The following NRG1 variants were observed in gnomAD, a reference collection of about 807,000 sequenced individuals.
The protein encoded by NRG1 is pro-neuregulin-1, membrane-bound isoform.
NRG1 carries 18 observed loss-of-function variants against 63.8 expected under a neutral mutation model. That is an observed-to-expected ratio of 0.28 (90% CI 0.19 to 0.42). The LOEUF is 0.42. NRG1 is among the 10% of genes least tolerant of loss of function. The pLI, the probability that NRG1 is intolerant of heterozygous loss-of-function variation, is 1.00. For synonymous variants in NRG1, 302 were observed against 301.3 expected, an observed-to-expected ratio of 1.00 and a Z score of -0.02; for missense variants, 762 against 814.7, an observed-to-expected ratio of 0.94 and a Z score of 0.79.
chr8:32,259,297 G>C (rs540005303), intron 1 of NRG1, among the ~76,000 whole-genome samples: 2 of 152,320 alleles, frequency 1.3e-5, no homozygotes, highest in South Asian at 4.1e-4. Context: ...GGCCATGAGG[G>C]CTCTGCCTTC....
At chr8:32,107,976 A>C (rs940607830) in intron 1 of NRG1, among the ~76,000 whole-genome samples, 5 of 152,198 alleles carry the variant, frequency 3.3e-5, no homozygotes, top group African/African-American at 1.2e-4. Flanking sequence ...AAAGCTTCTG[A>C]TAGAGATTGA....
intron 1 of NRG1, among the ~76,000 whole-genome samples, chr8:31,956,457 A>G (rs1804431312): frequency 6.6e-6 from 1 of 151,260 alleles, no homozygotes; most frequent in South Asian, 2.1e-4. Flanking sequence ...CTCTACTAAA[A>G]AAATACAAAA....
rs563829895 is a variant in NRG1, at chr8:31,858,435, T to A, written c.37+219004T>A. Reference sequence around the variant, plus strand: ...CATGAGCTGAGAGAAAATTAAAAAATCATTATTTTGAAGGGTGGTTTTCTC... The same window carrying A: ...CATGAGCTGAGAGAAAATTAAAAAAACATTATTTTGAAGGGTGGTTTTCTC... On this transcript the variant is annotated intron_variant, in intron 1 of 10. Coordinates refer to the NRG1 transcript ENST00000519301. Among the ~76,000 whole-genome samples, 4 of 152,116 alleles carry A rather than the reference T, an allele frequency of 2.6e-5. No individual in the cohort carries two copies. In the South Asian group the frequency reaches 8.3e-4, roughly 32 times the overall value.
At chr8:31,661,175 A>T (rs545504973) in intron 1 of NRG1, among the ~76,000 whole-genome samples, 1 of 152,354 alleles carries the variant, frequency 6.6e-6, no homozygotes, top group African/African-American at 2.4e-5. Flanking sequence ...GAATAAACTC[A>T]TAGAGCTGTT....
intron 1 of NRG1, among the ~76,000 whole-genome samples, chr8:31,903,609 T>A (rs1366744380): frequency 6.6e-6 from 1 of 152,104 alleles, no homozygotes; most frequent in African/African-American, 2.4e-5. Context: ...CAAGATAATA[T>A]GTCAATCTGG....
chr8:32,653,251 C>T (rs1286817737), intron 5 of NRG1, among the ~76,000 whole-genome samples: 1 of 152,134 alleles, frequency 6.6e-6, no homozygotes, highest in African/African-American at 2.4e-5. Context: ...TGCCTGCCCT[C>T]AGGGAGCTTA....
At chr8:31,687,215 C>A (rs1808990836) in intron 1 of NRG1, among the ~76,000 whole-genome samples, 1 of 152,060 alleles carries the variant, frequency 6.6e-6, no homozygotes, top group Non-Finnish European at 1.5e-5. Flanking sequence ...AGAAAAGATG[C>A]CCCTTAGGGA....
At chr8:31,746,927 G>A (rs1196800833) in intron 1 of NRG1, among the ~76,000 whole-genome samples, 2 of 151,880 alleles carry the variant, frequency 1.3e-5, no homozygotes, top group African/African-American at 4.8e-5. Flanking sequence ...AATGTCACAT[G>A]TTCTTACTTA....
At chr8:31,925,632 A>G (rs1202334160) in intron 1 of NRG1, among the ~76,000 whole-genome samples, 1 of 151,770 alleles carries the variant, frequency 6.6e-6, no homozygotes, top group Non-Finnish European at 1.5e-5. Flanking sequence ...TCATGTCTTT[A>G]TGTTCTTTTC....
intron 1 of NRG1, among the ~76,000 whole-genome samples, chr8:32,562,740 G>A (rs1836687989): frequency 1.3e-5 from 2 of 152,110 alleles, no homozygotes; most frequent in Admixed American, 6.6e-5. Context: ...GGGAGGAGAG[G>A]GAATCAGGAA....
intron 1 of NRG1, among the ~76,000 whole-genome samples, chr8:32,123,407 G>A (rs1833714581): frequency 6.6e-6 from 1 of 151,764 alleles, no homozygotes; most frequent in African/African-American, 2.4e-5. Flanking sequence ...CATGTAAGAT[G>A]TGACTTTGCT....
chr8:32,041,818 TGGCAGAGAAGGAAA>T (rs1820110340), intron 1 of NRG1, among the ~76,000 whole-genome samples: 1 of 152,136 alleles, frequency 6.6e-6, no homozygotes, highest in African/African-American at 2.4e-5. Context: ...ACCAGGGAAA[TGGCAGAGAAGGAAA>T]ACCTCAGGAG....
chr8:32,727,000 T>G (rs1197654492), intron 5 of NRG1, among the ~76,000 whole-genome samples: 1 of 152,086 alleles, frequency 6.6e-6, no homozygotes, highest in African/African-American at 2.4e-5. Context: ...AAAATATCAT[T>G]GATAAACATT....
At chr8:32,124,495 C>A (rs915311076) in intron 1 of NRG1, among the ~76,000 whole-genome samples, 2 of 151,654 alleles carry the variant, frequency 1.3e-5, no homozygotes, top group Admixed American at 6.6e-5. Context: ...TATGGAGCCC[C>A]GAAATCATAT....
chr8:32,760,251 C>T (rs751359018), exon 11 of NRG1: 23 of 1,613,922 alleles, frequency 1.4e-5, no homozygotes, highest in Non-Finnish European at 1.9e-5. Flanking sequence ...ACTCTGTAAT[C>T]GTGATGTCAT....
chr8:32,763,938 C>T (rs145066694), exon 12 of NRG1: 60 of 1,613,784 alleles, frequency 3.7e-5, no homozygotes, highest in African/African-American at 6.7e-5. Flanking sequence ...ACCAAGGCTG[C>T]GGGAGAAGAA....
intron 1 of NRG1, among the ~76,000 whole-genome samples, chr8:31,904,102 T>G (rs913655613): frequency 6.6e-6 from 1 of 152,192 alleles, no homozygotes; most frequent in African/African-American, 2.4e-5. Flanking sequence ...GCTCCAAATG[T>G]GGTGCACTTT....
At chr8:32,731,765 A>T (rs1823728428) in intron 6 of NRG1, among the ~76,000 whole-genome samples, 1 of 152,250 alleles carries the variant, frequency 6.6e-6, no homozygotes, top group Non-Finnish European at 1.5e-5. Context: ...TAGAAACAGA[A>T]GACATAAAAA....
At chr8:32,409,321 A>C (rs1814554714) in intron 1 of NRG1, among the ~76,000 whole-genome samples, 1 of 152,192 alleles carries the variant, frequency 6.6e-6, no homozygotes, top group Non-Finnish European at 1.5e-5. Flanking sequence ...ATTTAGAAAA[A>C]ACTCTTCTGG....
Sources: gnomAD v4.1 joint callset for allele counts (sites outside exome capture counted in the v4.1 genomes callset) on GRCh38, gnomAD v4.1.1 for gene constraint, MANE v1.5 for transcripts, NCBI Gene and HGNC (gene_info 2026-07-23, HGNC 2026-07-21) for gene names.